The following RANBP2 variants were observed in gnomAD, a reference collection of about 807,000 sequenced individuals.
RANBP2 encodes the protein RAN binding protein 2.
A neutral mutation model predicts 303.6 loss-of-function variants in RANBP2; 57 were observed. That is an observed-to-expected ratio of 0.19 (90% CI 0.15 to 0.23). The LOEUF (loss-of-function observed/expected upper bound fraction) is 0.23. Among genes scored for constraint, RANBP2 ranks in the 10% least tolerant of loss-of-function variants. The pLI is 1.00. For synonymous variants in RANBP2, 1,167 were observed against 1,301.5 expected (o/e 0.90, Z 2.23); for missense variants, 3,138 against 3,780.8 (o/e 0.83, Z 4.46).
At chr2:109,613,789 G>T in the RANBP2 span, 3 of 1,227,702 alleles carry the variant, frequency 2.4e-6, no homozygotes, top group South Asian at 8.1e-5. Flanking sequence ...CGGCGTCGGC[G>T]GGACTCACCA....
At chr2:108,962,952 A>T in the RANBP2 span, among the ~76,000 whole-genome samples, 3 of 152,302 alleles carry the variant, frequency 2.0e-5, no homozygotes, top group African/African-American at 7.2e-5. Context: ...AGCTACAGAG[A>T]TGCCAAGGAC....
At chr2:109,622,388 G>A in the RANBP2 span, among the ~76,000 whole-genome samples, 2 of 152,142 alleles carry the variant, frequency 1.3e-5, no homozygotes, top group African/African-American at 4.8e-5. Flanking sequence ...ACCTAATGAA[G>A]TACAAATGAT....
At chr2:109,525,490 T>C in the RANBP2 span, among the ~76,000 whole-genome samples, 1 of 152,100 alleles carries the variant, frequency 6.6e-6, no homozygotes, top group African/African-American at 2.4e-5. Flanking sequence ...ACCTGCACCC[T>C]CACCAGCCGG....
At chr2:108,970,951 C>T in the RANBP2 span, among the ~76,000 whole-genome samples, 2 of 152,130 alleles carry the variant, frequency 1.3e-5, no homozygotes, top group East Asian at 1.9e-4. Context: ...AGCAAAACAA[C>T]CTAATTTGTG....
At chr2:109,717,272 CAAAAAAAAA>C in the RANBP2 span, among the ~76,000 whole-genome samples, 2 of 124,796 alleles carry the variant, frequency 1.6e-5, no homozygotes, top group African/African-American at 6.5e-5. Flanking sequence ...AAAAACAAAC[CAAAAAAAAA>C]AAAAAAAAAA....
At chr2:108,752,334 T>C (rs1032864101) in intron 12 of RANBP2, among the ~76,000 whole-genome samples, 1 of 152,008 alleles carries the variant, frequency 6.6e-6, no homozygotes, top group African/African-American at 2.4e-5. Flanking sequence ...AAGGTGTGTT[T>C]TGTGTCACCA....
chr2:108,805,209 A>G, the RANBP2 span, among the ~76,000 whole-genome samples: 3 of 152,156 alleles, frequency 2.0e-5, no homozygotes, highest in South Asian at 6.2e-4. Context: ...TGTTCTGGCA[A>G]CCAACTGACA....
At chr2:109,436,680 T>C in the RANBP2 span, among the ~76,000 whole-genome samples, 1 of 152,248 alleles carries the variant, frequency 6.6e-6, no homozygotes, top group Non-Finnish European at 1.5e-5. Context: ...TGCTATCTCT[T>C]AAATATTTCA....
At chr2:109,224,984 T>C in the RANBP2 span, among the ~76,000 whole-genome samples, 1 of 152,182 alleles carries the variant, frequency 6.6e-6, no homozygotes, top group East Asian at 1.9e-4. Flanking sequence ...AAAAATCTTA[T>C]TTTAAAAAGA....
At chr2:109,449,513 C>A in the RANBP2 span, 8 of 1,608,384 alleles carry the variant, frequency 5.0e-6, no homozygotes, top group Non-Finnish European at 6.8e-6. Context: ...CCTGGACGAG[C>A]CCTGGGCTCG....
the RANBP2 span, among the ~76,000 whole-genome samples, chr2:109,192,813 G>A: frequency 6.6e-6 from 1 of 152,202 alleles, no homozygotes; most frequent in Admixed American, 6.5e-5. Flanking sequence ...AATATGAATG[G>A]TCATTGGGAT....
At chr2:109,203,078 C>T in the RANBP2 span, among the ~76,000 whole-genome samples, 12 of 152,280 alleles carry the variant, frequency 7.9e-5, no homozygotes, top group East Asian at 5.8e-4. Context: ...ACAGAAGCTC[C>T]GTCGAGCCTG....
At chr2:109,378,384 C>A in the RANBP2 span, among the ~76,000 whole-genome samples, 12 of 152,326 alleles carry the variant, frequency 7.9e-5, no homozygotes, top group South Asian at 2.5e-3. Context: ...GTTCTCAACT[C>A]CCAGTTGACT....
the RANBP2 span, among the ~76,000 whole-genome samples, chr2:109,422,549 G>A: frequency 6.6e-6 from 1 of 152,208 alleles, no homozygotes; most frequent in Admixed American, 6.5e-5. Context: ...GTGCATGGAG[G>A]CGACTGTGAG....
chr2:109,676,141 C>T, the RANBP2 span, among the ~76,000 whole-genome samples: 2 of 152,220 alleles, frequency 1.3e-5, no homozygotes, highest in Non-Finnish European at 1.5e-5. Context: ...AGGACAAGAG[C>T]CAGAGGGCCC....
chr2:108,971,980 C>T, the RANBP2 span, among the ~76,000 whole-genome samples: 22 of 152,286 alleles, frequency 1.4e-4, no homozygotes, highest in African/African-American at 4.1e-4. Context: ...TCCCGTGGCC[C>T]GGAGCTGAGG....
At chr2:109,381,862 G>T in the RANBP2 span, among the ~76,000 whole-genome samples, 1 of 152,070 alleles carries the variant, frequency 6.6e-6, no homozygotes, top group African/African-American at 2.4e-5. Context: ...GGAAAGCTGT[G>T]CATGTTTATA....
the RANBP2 span, among the ~76,000 whole-genome samples, chr2:109,632,852 A>G: frequency 6.6e-6 from 1 of 152,018 alleles, no homozygotes; most frequent in African/African-American, 2.4e-5. Flanking sequence ...AAGCAAAACA[A>G]AAACTTGACG....
the RANBP2 span, among the ~76,000 whole-genome samples, chr2:109,329,668 A>C: frequency 6.6e-6 from 1 of 152,148 alleles, no homozygotes; most frequent in East Asian, 1.9e-4. Context: ...TAGAGGCTGC[A>C]AGAGGGCAGT....
Sources: gnomAD v4.1 joint callset for allele counts (sites outside exome capture counted in the v4.1 genomes callset) on GRCh38, gnomAD v4.1.1 for gene constraint, MANE v1.5 for transcripts, NCBI Gene and HGNC (gene_info 2026-07-23, HGNC 2026-07-21) for gene names.